The following ELP4 variants were observed in gnomAD, a reference collection of about 807,000 sequenced individuals.
ELP4 encodes the protein elongator acetyltransferase complex subunit 4.
ELP4 carries 51 observed loss-of-function variants against 48.9 expected under a neutral mutation model. The ratio of observed to expected loss-of-function variants is 1.04; its 90% CI spans 0.83 to 1.32. ELP4 has a LOEUF of 1.32. ELP4 is among the 40% of genes most tolerant of loss of function. ELP4 has a pLI of 0.00. For synonymous variants in ELP4, 210 were observed against 189.2 expected, an observed-to-expected ratio of 1.11 and a Z score of -0.90; for missense variants, 519 against 514.6, an observed-to-expected ratio of 1.01 and a Z score of -0.08.
chr11:31,562,687 T>A (rs1311431761), intron 3 of ELP4, among the ~76,000 whole-genome samples: 2 of 152,144 alleles, frequency 1.3e-5, no homozygotes, highest in Non-Finnish European at 2.9e-5. Flanking sequence ...TATCTTAAAT[T>A]TCACTAAGAT....
intron 9 of ELP4, among the ~76,000 whole-genome samples, chr11:31,707,753 G>C (rs1226758733): frequency 6.6e-6 from 1 of 152,080 alleles, no homozygotes; most frequent in Non-Finnish European, 1.5e-5. Flanking sequence ...GTTCCTTCTG[G>C]AAGCTTTACA....
At chr11:31,678,466 T>C (rs984154233) in intron 9 of ELP4, among the ~76,000 whole-genome samples, 49 of 150,752 alleles carry the variant, frequency 3.3e-4, no homozygotes, top group Middle Eastern at 3.4e-3. Context: ...TAATAAATAA[T>C]TGTTATTATT....
chr11:31,648,019 A>G (rs1301554067), intron 8 of ELP4, 170 bp downstream of exon 8: 4 of 514,492 alleles, frequency 7.8e-6, no homozygotes, highest in Non-Finnish European at 1.4e-5. Context: ...TTACCCAACT[A>G]CATTAAGACT....
At chr11:31,532,945 A>G (rs1005714741) in intron 2 of ELP4, among the ~76,000 whole-genome samples, 6 of 150,780 alleles carry the variant, frequency 4.0e-5, no homozygotes, top group Admixed American at 6.6e-5. Context: ...CTAATTTTGT[A>G]TTTTTTTAGT....
chr11:31,571,695 A>G (rs561411719), intron 3 of ELP4, among the ~76,000 whole-genome samples: 1 of 152,348 alleles, frequency 6.6e-6, no homozygotes, highest in East Asian at 1.9e-4. Context: ...CATGGGCTAC[A>G]GAATGGATGT....
chr11:31,765,432 A>G (rs188227471), intron 9 of ELP4, among the ~76,000 whole-genome samples: 47 of 152,276 alleles, frequency 3.1e-4, no homozygotes, highest in Middle Eastern at 3.4e-3. Context: ...GACATTTTTT[A>G]TAAGTTAAAC....
intron 3 of ELP4, among the ~76,000 whole-genome samples, chr11:31,579,937 T>C (rs1301183198): frequency 6.6e-6 from 1 of 151,622 alleles, no homozygotes; most frequent in East Asian, 1.9e-4. Context: ...AGTATAAAAA[T>C]AAATAAATAA....
chr11:31,610,053 A>G (rs1957948240), intron 5 of ELP4, among the ~76,000 whole-genome samples: 1 of 152,184 alleles, frequency 6.6e-6, no homozygotes, highest in Admixed American at 6.5e-5. Context: ...TCTTAAAAAA[A>G]CAGAAAATTT....
At chr11:31,518,397 CA>C in intron 1 of ELP4, among the ~76,000 whole-genome samples, 1 of 152,058 alleles carries the variant, frequency 6.6e-6, no homozygotes, top group South Asian at 2.1e-4. Context: ...TGTGCAACTG[CA>C]CCTAGCCATA....
intron 3 of ELP4, among the ~76,000 whole-genome samples, chr11:31,594,261 A>G (rs937046600): frequency 1.8e-4 from 27 of 152,182 alleles, no homozygotes; most frequent in African/African-American, 6.3e-4. Context: ...ATAAGCTTGC[A>G]GGTGCAAAGC....
chr11:31,662,835 G>A (rs1254614501), intron 9 of ELP4: 1 of 331,290 alleles, frequency 3.0e-6, no homozygotes, highest in Non-Finnish European at 5.4e-6. Context: ...AAAATACCTA[G>A]ATTTCATAAA....
At chr11:31,581,482 C>CT (rs1436158863) in intron 3 of ELP4, among the ~76,000 whole-genome samples, 3 of 152,058 alleles carry the variant, frequency 2.0e-5, no homozygotes, top group Non-Finnish European at 4.4e-5. Flanking sequence ...TTAAAAATAA[C>CT]TTTGTCTCAG....
chr11:31,701,987 G>A (rs1185662607), intron 9 of ELP4, among the ~76,000 whole-genome samples: 1 of 152,050 alleles, frequency 6.6e-6, no homozygotes, highest in Non-Finnish European at 1.5e-5. Flanking sequence ...ATATATTGAT[G>A]AATTATGTTT....
chr11:31,740,207 A>C (rs766932785), intron 9 of ELP4, among the ~76,000 whole-genome samples: 5 of 152,242 alleles, frequency 3.3e-5, no homozygotes, highest in Non-Finnish European at 5.9e-5. Flanking sequence ...AGTCTGTTAC[A>C]GGGAAAAGGG....
At chr11:31,596,521 G>T (rs182581774) in intron 4 of ELP4, among the ~76,000 whole-genome samples, 14 of 152,104 alleles carry the variant, frequency 9.2e-5, no homozygotes, top group Non-Finnish European at 2.1e-4. Flanking sequence ...ATTTTCTCTT[G>T]TACCTCCAGC....
intron 3 of ELP4, among the ~76,000 whole-genome samples, chr11:31,557,771 C>A (rs1467390008): frequency 1.3e-5 from 2 of 152,010 alleles, no homozygotes; most frequent in African/African-American, 4.8e-5. Context: ...AAAAGCCATA[C>A]AGTGTATCAT....
intron 9 of ELP4, among the ~76,000 whole-genome samples, chr11:31,687,989 G>A (rs1343347749): frequency 2.6e-5 from 4 of 152,164 alleles, no homozygotes; most frequent in East Asian, 1.9e-4. Flanking sequence ...AAAGGAAGAC[G>A]TTGACAGCGT....
chr11:31,647,005 G>C (rs1435988725), intron 7 of ELP4: 2 of 151,526 alleles, frequency 1.3e-5, no homozygotes, highest in African/African-American at 4.8e-5. Context: ...CTATTGTTTT[G>C]ATCTGGCAAA....
At chr11:31,522,915 A>G (rs1423984589) in intron 2 of ELP4, among the ~76,000 whole-genome samples, 1 of 151,544 alleles carries the variant, frequency 6.6e-6, no homozygotes, top group Non-Finnish European at 1.5e-5. Context: ...GGTGGACTGC[A>G]ACAGCATGAT....
Sources: allele counts gnomAD v4.1 joint callset (sites outside exome capture counted in the v4.1 genomes callset), GRCh38; gene constraint gnomAD v4.1.1; transcripts MANE v1.5; gene names NCBI Gene and HGNC (gene_info 2026-07-23, HGNC 2026-07-21).